Variants in CLASRP observed in about 807,000 individuals in gnomAD.
CLASRP encodes CLK4 associating serine/arginine rich protein, also known as CLK4-associating serine/arginine rich protein.
CLASRP carries 52 observed loss-of-function variants against 99.9 expected under a neutral mutation model. The observed-to-expected ratio is 0.52, with a 90% CI of 0.42 to 0.66. CLASRP has a LOEUF of 0.66. Ranked by LOEUF, CLASRP falls within the 30% of genes least tolerant of loss-of-function variation. The pLI is 0.00. For missense variants in CLASRP, 848 were observed against 999.2 expected (o/e 0.85, Z 2.04); for synonymous variants, 379 against 373.0 (o/e 1.02, Z -0.18).
At position 45,064,509 on chromosome 19, in the gene CLASRP, C is replaced by G. The variant is rs1568420694; in HGVS notation, c.1288C>G (p.Arg430Gly). The G allele has an allele frequency of 5.2e-6, 8 of 1,537,068 alleles. No individual in the cohort carries two copies. In the South Asian group the frequency reaches 7.1e-5, roughly 14 times the overall value. ...CTGGTCCCGCTCCCGCTCCCGCTCCCGGCGCTATTCCCGGTCCCGTAGCCG... is the reference window on the plus strand; with the variant it reads ...CTGGTCCCGCTCCCGCTCCCGCTCCGGGCGCTATTCCCGGTCCCGTAGCCG... ...RSWSRSRSRSRRYSRSRSRGR... is the reference protein window; with the variant it reads ...RSWSRSRSRSGRYSRSRSRGR... The change falls in exon 13 of 21, where the codon CGG becomes GGG. Residue 430 changes from arginine to glycine, a missense_variant. Arg to Gly is a moderately radical substitution (Grantham distance 125). Coordinates refer to ENST00000221455, the MANE Select transcript of CLASRP (RefSeq NM_007056.3).
Position 45,066,622 on chromosome 19 carries a change from C to CAAA in CLASRP, c.1410-691_1410-689dup, listed in dbSNP as rs35834419. ...CCTGGGCGACAGAGAGAGACTGTCT[C>CAAA]AAAAAAAAAAAAAAAAAAAAAAAAA... is the stretch of plus-strand genomic sequence containing the variant. On this transcript the variant is annotated intron_variant, in intron 13 of 20. Transcript: ENST00000221455. Among the ~76,000 whole-genome samples the CAAA allele has an allele frequency of 2.2e-3, 41 of 18,648 alleles. 3 individuals are homozygous for CAAA. The highest frequency in any genetic ancestry group is 4.6e-3 in the African/African-American group (25 of 5,434). 12.2% of individuals were successfully genotyped at this position (18,648 alleles called of 152,430 possible).
At chr19:45,057,938 G>C (rs764761566) in intron 7 of CLASRP, 40 bp downstream of exon 7, 1 of 1,611,256 alleles carries the variant, frequency 6.2e-7, no homozygotes, top group Admixed American at 1.7e-5. Context: ...GCAGTCCCTG[G>C]GCATCGTTTC....
At position 45,064,459 on chromosome 19, in the gene CLASRP, G is replaced by C. The variant is rs571145118; in HGVS notation, c.1238G>C (p.Arg413Pro). The change falls in exon 13 of 21, where the codon CGC becomes CCC. Residue 413 changes from arginine (R) to proline (P), a missense_variant. By Grantham distance (103) the Arg-to-Pro change is moderately radical (BLOSUM62 -2). This residue lies in a region of CLASRP where 489 missense variants were observed against 434.7 expected (regional missense o/e 1.12). Coordinates refer to ENST00000221455, the MANE Select transcript of CLASRP (RefSeq NM_007056.3). ...RRGGGYYRSG[R>P]HARSRSRSWS... ...GGTGGGGGCTACTACCGTTCCGGCC[G>C]CCACGCCCGCTCCCGGTCCCGCTCC... 1.0e-4 allele frequency: 157 copies of C among 1,528,100 alleles called. 1 individual carries two copies. The South Asian group carries it at 1.8e-3, about 18-fold the overall frequency. The allele number at this position is 1,528,100 out of a possible 1,614,324, so 94.7% of individuals were successfully genotyped here.
In CLASRP at chr19:45,042,912, C is replaced by T. The variant is rs369996369; in HGVS notation, c.99+2601C>T. Among the ~76,000 whole-genome samples, 23 of 152,234 alleles carry T rather than the reference C, an allele frequency of 1.5e-4. No individual in the cohort carries two copies. The South Asian group carries it at 4.6e-3, about 30-fold the overall frequency. ...GATTACAGGCGTGAGCCACCACGCC[C>T]GGCTAGCTCCAAAATCTGAAACTTT... is the stretch of plus-strand genomic sequence containing the variant. On this transcript the variant is annotated intron_variant, in intron 2 of 20. Transcript: ENST00000221455.
In CLASRP at chr19:45,059,350, C is replaced by T. The variant is rs771142252; in HGVS notation, c.696C>T (p.Asp232=). 1.1e-5 allele frequency: 17 copies of T among 1,591,664 alleles called. No individual in the cohort carries two copies. Among genetic ancestry groups the T allele is most frequent in the Middle Eastern group, 1.7e-4 (1 of 6,048 alleles). Reference sequence around the variant, plus strand: ...AGGCCACGACTTATGGCATGGCCGACGGTGACTTCGTCAGGTGAGGCCTGC... The same window carrying T: ...AGGCCACGACTTATGGCATGGCCGATGGTGACTTCGTCAGGTGAGGCCTGC... ...NKQATTYGMA[D]GDFVRMLRKD... Residue 232 remains aspartate (D), a synonymous_variant, in exon 8 of 21, where the codon GAC becomes GAT. Coordinates refer to ENST00000221455, the MANE Select transcript of CLASRP (RefSeq NM_007056.3).
chr19:45,050,042 G>C (rs113881711), intron 2 of CLASRP, among the ~76,000 whole-genome samples: 3 of 152,118 alleles, frequency 2.0e-5, no homozygotes, highest in South Asian at 2.1e-4. Flanking sequence ...TGAAATAAGC[G>C]GGGGAGCAGA....
chr19:45,060,655 T>G lies in CLASRP; in HGVS notation c.863+28T>G. ...AGGGCTTCTCCCTGAACCCCCACCC[T>G]GCTGGCATCTGGGGGAGGAGAGCAG... On this transcript the variant is annotated intron_variant, in intron 10 of 20. Coordinates refer to ENST00000221455, the MANE Select transcript of CLASRP (RefSeq NM_007056.3). The surrounding 1 kb of genome is among the most constrained non-coding windows in gnomAD (Gnocchi z 4.6). The G allele has an allele frequency of 6.6e-7, 1 of 1,520,506 alleles. No homozygotes were observed. Among genetic ancestry groups the G allele is most frequent in the Non-Finnish European group, 8.9e-7 (1 of 1,124,120 alleles). 94.2% of individuals were successfully genotyped at this position (1,520,506 alleles called of 1,614,324 possible).
intron 8 of CLASRP, among the ~76,000 whole-genome samples, chr19:45,059,946 A>G (rs1055865226): frequency 6.6e-6 from 1 of 151,704 alleles, no homozygotes; most frequent in Non-Finnish European, 1.5e-5. Context: ...CTTGCTCCTC[A>G]AGTGCAGAGG....
intron 19 of CLASRP, 69 bp from the exon 20 acceptor site, chr19:45,070,468 A>G (rs1967213313): frequency 7.0e-7 from 1 of 1,426,356 alleles, no homozygotes; most frequent in African/African-American, 1.4e-5. Context: ...TGAGGACCTC[A>G]CCCCAGGTCA....
At chr19:45,052,031 C>T (rs369249909) in intron 2 of CLASRP, 40 bp from the exon 3 acceptor site, 8 of 1,533,144 alleles carry the variant, frequency 5.2e-6, no homozygotes, top group African/African-American at 1.4e-5. Flanking sequence ...GGGTTTGGAG[C>T]TCTGTTGGGT....
intron 2 of CLASRP, among the ~76,000 whole-genome samples, chr19:45,040,903 G>GTAGT (rs1310995877): frequency 3.9e-5 from 6 of 152,100 alleles, no homozygotes; most frequent in Non-Finnish European, 1.5e-5. Context: ...GGAGGAGGCT[G>GTAGT]TAGTGCATGG....
chr19:45,066,024 G>C (rs1040277281), intron 13 of CLASRP, among the ~76,000 whole-genome samples: 3 of 152,164 alleles, frequency 2.0e-5, no homozygotes, highest in Non-Finnish European at 4.4e-5. Context: ...CCCTCCAGTC[G>C]GGGCGTTGAC....
At chr19:45,051,937 C>A in intron 2 of CLASRP, 134 bp from the exon 3 acceptor site, 1 of 666,244 alleles carries the variant, frequency 1.5e-6, no homozygotes, top group Admixed American at 2.5e-5. Flanking sequence ...CATTGCACTC[C>A]AGCCTGGGCG....
In CLASRP at chr19:45,067,353, G is replaced by A; in HGVS notation, c.1426G>A (p.Gly476Arg). 3 of 1,521,196 alleles carry A rather than the reference G, an allele frequency of 2.0e-6. No homozygotes were observed. Among genetic ancestry groups the A allele is most frequent in the Non-Finnish European group, 1.8e-6 (2 of 1,138,958 alleles). 94.2% of individuals were successfully genotyped at this position (1,521,196 alleles called of 1,614,324 possible). A position where few individuals can be genotyped will look rare whatever the true frequency, so the allele number is the denominator to read the frequency against. ...RRRSRSRSHS[G>R]DRYRRGGRGL... Reference sequence around the variant, plus strand: ...CATCCCCAGGAGCCGCTCCCACTCAGGGGACCGCTACAGGCGGGGCGGCCG... The same window carrying A: ...CATCCCCAGGAGCCGCTCCCACTCAAGGGACCGCTACAGGCGGGGCGGCCG... The change falls in exon 14 of 21, where the codon GGG (glycine) becomes AGG (arginine). Residue 476 changes from glycine to arginine, a missense_variant. Physicochemically the swap from Gly to Arg is moderately radical, Grantham distance 125. Transcript: ENST00000221455. The surrounding 1 kb of genome is among the most constrained non-coding windows in gnomAD (Gnocchi z 4.9).
intron 2 of CLASRP, among the ~76,000 whole-genome samples, chr19:45,051,440 A>G (rs1187136757): frequency 2.0e-5 from 3 of 151,970 alleles, no homozygotes; most frequent in African/African-American, 7.3e-5. Flanking sequence ...CAGGCTCCCA[A>G]GTAGCTGGGA....
intron 2 of CLASRP, among the ~76,000 whole-genome samples, chr19:45,044,406 G>T (rs1379741976): frequency 2.0e-5 from 3 of 152,212 alleles, no homozygotes; most frequent in East Asian, 1.9e-4. Context: ...CTAGGAGGTG[G>T]TTCTTACTAT....
rs191349394 is a variant in CLASRP, at chr19:45,049,137, C to T, written c.100-2934C>T. Among the ~76,000 whole-genome samples the T allele has an allele frequency of 3.3e-5, 5 of 152,262 alleles. No individual in the cohort carries two copies. In the East Asian group the frequency reaches 9.6e-4, roughly 29 times the overall value. ...GCTCTGGACTCCTGGTGTTTACTCC[C>T]GGCTCAGTGCTTATTCCTTTCTGTG... On this transcript the variant is annotated intron_variant, in intron 2 of 20. Coordinates refer to ENST00000221455, the MANE Select transcript of CLASRP (RefSeq NM_007056.3).
At position 45,065,309 on chromosome 19, in the gene CLASRP, G is replaced by A. The variant is rs145449854; in HGVS notation, c.1409+679G>A. Among the ~76,000 whole-genome samples the A allele has an allele frequency of 9.7e-3, 1,442 of 148,796 alleles. 32 individuals are homozygous for A. The highest frequency in any genetic ancestry group is 0.033 in the African/African-American group (1,344 of 40,230). Reference sequence around the variant, plus strand: ...AGAGGCTGAGGCAGGAGAATCGCTTGAAACCGGGAAGCAGAGGTTGCAATG... The same window carrying A: ...AGAGGCTGAGGCAGGAGAATCGCTTAAAACCGGGAAGCAGAGGTTGCAATG... On this transcript the variant is annotated intron_variant, in intron 13 of 20. Coordinates refer to ENST00000221455, the MANE Select transcript of CLASRP (RefSeq NM_007056.3).
chr19:45,050,620 G>T (rs1229291576), intron 2 of CLASRP, among the ~76,000 whole-genome samples: 3 of 152,120 alleles, frequency 2.0e-5, no homozygotes, highest in African/African-American at 7.2e-5. Flanking sequence ...GGAGGTGGAG[G>T]TTGCAGTGAG....
Sources: allele counts gnomAD v4.1 joint callset (sites outside exome capture counted in the v4.1 genomes callset), GRCh38; gene constraint gnomAD v4.1.1; regional missense constraint gnomAD v4.1.1; non-coding constraint Gnocchi (gnomAD v3.1); transcripts MANE v1.5; gene names NCBI Gene and HGNC (gene_info 2026-07-23, HGNC 2026-07-21).